BLOC1S3: variants seen among roughly 807,000 people sequenced by gnomAD.
BLOC1S3 encodes biogenesis of lysosome-related organelles complex 1 subunit 3.
BLOC1S3 carries 7 observed loss-of-function variants against 9.1 expected under a neutral mutation model. That is an observed-to-expected ratio of 0.77 (90% CI 0.44 to 1.45). The LOEUF (loss-of-function observed/expected upper bound fraction) is 1.45, where lower values mean the gene tolerates loss of function less well. BLOC1S3 is among the 40% of genes most tolerant of loss of function. The pLI is 0.01. For missense variants in BLOC1S3, 307 were observed against 315.2 expected, an observed-to-expected ratio of 0.97 and a Z score of 0.20; for synonymous variants, 145 against 158.4, an observed-to-expected ratio of 0.92 and a Z score of 0.64.
At chr19:45,213,297 C>A (rs770174254) in intron 3 of BLOC1S3, 2 of 1,613,880 alleles carry the variant, frequency 1.2e-6, no homozygotes, top group Non-Finnish European at 8.5e-7. Context: ...CCAGGATCTC[C>A]TGGCGGGCGG....
exon 1 of BLOC1S3, chr19:45,187,428 G>T (rs1307367854): frequency 1.3e-5 from 2 of 152,372 alleles, no homozygotes; most frequent in Non-Finnish European, 2.9e-5. Context: ...AGGGCCTAGA[G>T]ATTGAGATGC....
chr19:45,183,091 T>C (rs1006262176), downstream of BLOC1S3, among the ~76,000 whole-genome samples: 1 of 151,818 alleles, frequency 6.6e-6, no homozygotes, highest in African/African-American at 2.4e-5. Flanking sequence ...TGATTTCTGC[T>C]CTCCACCTAG....
At chr19:45,213,153 G>T (rs371153611) in intron 3 of BLOC1S3, 60 of 1,590,826 alleles carry the variant, frequency 3.8e-5, no homozygotes, top group Non-Finnish European at 4.9e-5. Context: ...GCCGGGAGAG[G>T]GGGAGGCGGC....
At chr19:45,191,337 T>G (rs1430317875) in intron 2 of BLOC1S3, among the ~76,000 whole-genome samples, 1 of 150,672 alleles carries the variant, frequency 6.6e-6, no homozygotes, top group Non-Finnish European at 1.5e-5. Flanking sequence ...GTCAGGCTGG[T>G]CTTGAACTCC....
chr19:45,194,018 T>C (rs1969628223), intron 2 of BLOC1S3, among the ~76,000 whole-genome samples: 1 of 138,544 alleles, frequency 7.2e-6, no homozygotes, highest in Non-Finnish European at 1.5e-5. Flanking sequence ...TTAGCCAGGA[T>C]GGTCTCGATC....
At chr19:45,193,281 C>T (rs959001612) in intron 2 of BLOC1S3, among the ~76,000 whole-genome samples, 9 of 151,432 alleles carry the variant, frequency 5.9e-5, no homozygotes, top group African/African-American at 2.2e-4. Context: ...GATAGTTGTT[C>T]AGCTGGTTGT....
intron 3 of BLOC1S3, chr19:45,213,107 G>T (rs530109127): frequency 3.9e-6 from 6 of 1,538,464 alleles, no homozygotes; most frequent in Middle Eastern, 2.0e-4. Context: ...GACGGAGGCC[G>T]GGGCCGAGGC....
intron 2 of BLOC1S3, among the ~76,000 whole-genome samples, chr19:45,198,629 C>T (rs1331595845): frequency 2.6e-5 from 4 of 152,184 alleles, no homozygotes; most frequent in Non-Finnish European, 5.9e-5. Context: ...GCCACTCTAT[C>T]CTAGCCTGTG....
Position 45,179,478 on chromosome 19 carries a change from C to T in BLOC1S3, c.182C>T (p.Ala61Val). ...PTGLRVAGEA[A>V]ETDSEPEPEP... is the part of the protein sequence containing the mutation. ...GGGCTGCGGGTGGCTGGGGAAGCCG[C>T]GGAGACCGACTCGGAGCCGGAGCCG... Residue 61 changes from alanine (A) to valine (V), a missense_variant, in exon 2 of 2, where the codon GCG (alanine) becomes GTG (valine). By Grantham distance (64) the Ala-to-Val change is moderately conservative. Coordinates refer to ENST00000433642, the MANE Select transcript of BLOC1S3 (RefSeq NM_212550.5). The surrounding 1 kb of genome is among the most constrained non-coding windows in gnomAD (Gnocchi z 4.6). 6.6e-7 allele frequency: 1 copy of T among 1,523,284 alleles called. No individual in the cohort carries two copies. The allele number at this position is 1,523,284 out of a possible 1,614,324, so 94.4% of individuals were successfully genotyped here. A position where few individuals can be genotyped will look rare whatever the true frequency, so the allele number is the denominator to read the frequency against.
At chr19:45,214,032 C>T (rs1256708485) in intron 3 of BLOC1S3, among the ~76,000 whole-genome samples, 1 of 152,100 alleles carries the variant, frequency 6.6e-6, no homozygotes, top group African/African-American at 2.4e-5. Flanking sequence ...ATCTCAAGCT[C>T]AACCCCCTAA....
chr19:45,212,072 A>G (rs958045222), intron 3 of BLOC1S3, among the ~76,000 whole-genome samples: 3 of 152,138 alleles, frequency 2.0e-5, no homozygotes, highest in African/African-American at 7.2e-5. Context: ...CCGGCTAAGG[A>G]TGGATGGGGA....
rs773756589 is a variant in BLOC1S3 at position 45,179,326 on chromosome 19, C to T, written c.30C>T (p.Pro10=). 2.5e-6 allele frequency: 4 copies of T among 1,585,534 alleles called. No individual in the cohort carries two copies. Among genetic ancestry groups the T allele is most frequent in the East Asian group, 2.3e-5 (1 of 43,530 alleles). MASQGRRRR[P]LRRPETVVPG... ...CGTCCCAGGGTCGTCGGCGGAGGCC[C>T]CTGCGGAGGCCGGAGACGGTGGTGC... is the stretch of plus-strand genomic sequence containing the variant. Residue 10 remains proline (P), a synonymous_variant, in exon 2 of 2, where the codon CCC becomes CCT. Transcript: ENST00000433642. This position sits in a 1 kb window ranked among gnomAD's most constrained non-coding sequence, Gnocchi z 4.6.
chr19:45,215,560 G>C (rs1969823629), intron 3 of BLOC1S3, among the ~76,000 whole-genome samples: 1 of 152,120 alleles, frequency 6.6e-6, no homozygotes, highest in Non-Finnish European at 1.5e-5. Context: ...TGTTACTATA[G>C]TCATGGATGA....
At chr19:45,208,354 C>G (rs1440199135) in intron 3 of BLOC1S3, among the ~76,000 whole-genome samples, 4 of 152,106 alleles carry the variant, frequency 2.6e-5, no homozygotes, top group African/African-American at 4.8e-5. Context: ...TACCTGTAAT[C>G]TCAGTACTTT....
downstream of BLOC1S3, among the ~76,000 whole-genome samples, chr19:45,182,124 A>G (rs1456526295): frequency 1.3e-5 from 2 of 152,170 alleles, no homozygotes; most frequent in African/African-American, 4.8e-5. Context: ...TTTATAGTTT[A>G]ATTTTTAAAA....
At chr19:45,192,787 A>G in intron 2 of BLOC1S3, among the ~76,000 whole-genome samples, 1 of 152,096 alleles carries the variant, frequency 6.6e-6, no homozygotes, top group East Asian at 1.9e-4. Flanking sequence ...CTGATATCCA[A>G]GGTGCAAAAC....
chr19:45,211,214 G>A (rs977991594), intron 3 of BLOC1S3, among the ~76,000 whole-genome samples: 3 of 151,404 alleles, frequency 2.0e-5, no homozygotes, highest in African/African-American at 4.9e-5. Context: ...TGTCATTTTC[G>A]GGCTGGGCAC....
chr19:45,208,641 G>A (rs1304114749), intron 3 of BLOC1S3, among the ~76,000 whole-genome samples: 1 of 152,028 alleles, frequency 6.6e-6, no homozygotes, highest in Non-Finnish European at 1.5e-5. Context: ...TGTAATCCCA[G>A]CTACTTGGGA....
chr19:45,183,618 CTTT>C (rs1969543634), downstream of BLOC1S3, among the ~76,000 whole-genome samples: 1 of 132,622 alleles, frequency 7.5e-6, no homozygotes, highest in South Asian at 2.4e-4. Context: ...TTTTTCTTTT[CTTT>C]TCTTTTTTTT....
Sources: allele counts gnomAD v4.1 joint callset (sites outside exome capture counted in the v4.1 genomes callset), GRCh38; gene constraint gnomAD v4.1.1; non-coding constraint Gnocchi (gnomAD v3.1); transcripts MANE v1.5; gene names NCBI Gene and HGNC (gene_info 2026-07-23, HGNC 2026-07-21).